Variants in ARHGEF1 observed in about 807,000 individuals in gnomAD.
The protein encoded by ARHGEF1 is 115 kDa guanine nucleotide exchange factor.
A neutral mutation model predicts 119.7 loss-of-function variants in ARHGEF1; 40 were observed. That is an observed-to-expected ratio of 0.33 (90% CI 0.26 to 0.44). The LOEUF (loss-of-function observed/expected upper bound fraction) is 0.44. Ranked by LOEUF, ARHGEF1 falls within the 20% of genes least tolerant of loss-of-function variation. The pLI, the probability that ARHGEF1 is intolerant of heterozygous loss-of-function variation, is 1.00. For missense variants in ARHGEF1, 976 were observed against 1,268.3 expected, an observed-to-expected ratio of 0.77 and a Z score of 3.50; for synonymous variants, 494 against 521.0, an observed-to-expected ratio of 0.95 and a Z score of 0.71.
At chr19:41,930,112 C>T (rs2074895808) in exon 3 of ARHGEF1, 1 of 152,214 alleles carries the variant, frequency 6.6e-6, no homozygotes, top group South Asian at 2.1e-4. Flanking sequence ...TCCGAATAAT[C>T]TCATTAAAAA....
intron 13 of ARHGEF1, 84 bp downstream of exon 13, chr19:41,896,566 C>G: frequency 9.3e-7 from 1 of 1,077,714 alleles, no homozygotes; most frequent in Non-Finnish European, 1.4e-6. Flanking sequence ...GCCATCTGTG[C>G]CTGCCTGTCC....
At chr19:41,926,227 G>A (rs2074869790) in intron 1 of ARHGEF1, among the ~76,000 whole-genome samples, 2 of 151,614 alleles carry the variant, frequency 1.3e-5, no homozygotes. Flanking sequence ...TATGCTCCCC[G>A]AGAGACCAGA....
At chr19:41,921,788 C>T (rs1242799334), upstream of ARHGEF1, among the ~76,000 whole-genome samples, 3 of 151,956 alleles carry the variant, frequency 2.0e-5, no homozygotes, top group African/African-American at 4.8e-5. The surrounding 1 kb of genome is among the most constrained non-coding windows in gnomAD (Gnocchi z 4.4). Context: ...GTGGATTCCT[C>T]GTCCTCCGCC....
At chr19:41,900,466 A>G (rs1555848795) in intron 14 of ARHGEF1, among the ~76,000 whole-genome samples, 1 of 152,222 alleles carries the variant, frequency 6.6e-6, no homozygotes, top group Admixed American at 6.5e-5. Context: ...TTTCCCCAGA[A>G]AGAATATGCA....
Position 41,916,458 on chromosome 19 carries a change from CAG to C in ARHGEF1, c.1866-6632_1866-6631del, listed in dbSNP as rs1444035748. On this transcript the variant is annotated intron_variant, in intron 18 of 20. Transcript: ENST00000599589. This position sits in a 1 kb window ranked among gnomAD's most constrained non-coding sequence, Gnocchi z 5.4. ...CAGCATAGTCACAGATGCACAGAAA[CAG>C]ACACACAGTTTTACACAAATACACA... Among the ~76,000 whole-genome samples, 2 of 152,100 alleles carry C rather than the reference CAG, an allele frequency of 1.3e-5. No individual in the cohort carries two copies. Among genetic ancestry groups the C allele is most frequent in the Non-Finnish European group, 2.9e-5 (2 of 68,036 alleles).
intron 1 of ARHGEF1, among the ~76,000 whole-genome samples, chr19:41,926,718 G>A (rs984113778): frequency 2.0e-5 from 3 of 152,172 alleles, no homozygotes; most frequent in Admixed American, 2.0e-4. Context: ...GGCCGGGAGG[G>A]GGGAGCGGGC....
chr19:41,918,565 TCA>T (rs1298444699), upstream of ARHGEF1, among the ~76,000 whole-genome samples: 1 of 121,378 alleles, frequency 8.2e-6, no homozygotes, highest in Non-Finnish European at 1.7e-5. Context: ...TCACTAACCC[TCA>T]CATACACCAC....
intron 18 of ARHGEF1, chr19:41,912,804 G>A: frequency 2.8e-6 from 2 of 703,538 alleles, no homozygotes; most frequent in Non-Finnish European, 2.0e-6. Context: ...GGCTCACTGG[G>A]GAAGCCTGAG....
chr19:41,898,526 C>A lies in ARHGEF1; in HGVS notation c.1206C>A (p.Val402=), dbSNP rs782603453. The A allele has an allele frequency of 6.4e-7, 1 of 1,564,596 alleles. No individual in the cohort carries two copies. The highest frequency in any genetic ancestry group is 1.9e-5 in the Admixed American group (1 of 53,104). The change falls in exon 14 of 29, where the codon GTC becomes GTA. Residue 402 remains valine (V), a synonymous_variant. Coordinates refer to ENST00000354532, the MANE Select transcript of ARHGEF1 (RefSeq NM_004706.4). The part of the protein sequence containing the change: ...PEEPPGWREL[V]PPDTLHSLPK... ...AGCCTCCCGGCTGGCGGGAACTCGT[C>A]CCCCCAGACACCCTGCACAGCCTGC...
intron 1 of ARHGEF1, among the ~76,000 whole-genome samples, chr19:41,926,642 C>A (rs2074872105): frequency 6.6e-6 from 1 of 152,072 alleles, no homozygotes; most frequent in Non-Finnish European, 1.5e-5. Flanking sequence ...GGCCTGCTGG[C>A]CTGCCGGGCA....
intron 1 of ARHGEF1, among the ~76,000 whole-genome samples, chr19:41,926,757 G>T (rs1210686440): frequency 2.0e-5 from 3 of 152,154 alleles, no homozygotes; most frequent in African/African-American, 7.2e-5. Context: ...TGATAGATCC[G>T]CGCGCCGCTT....
Position 41,906,834 on chromosome 19 carries a change from G to A in ARHGEF1, c.*17+31G>A, listed in dbSNP as rs782208390. ...TGGGGCACCTGGGGGCCAGGGCGCTGTCCTGAAAGGAGGGTCCCCCTCCAG... is the reference window on the plus strand; with the variant it reads ...TGGGGCACCTGGGGGCCAGGGCGCTATCCTGAAAGGAGGGTCCCCCTCCAG... On this transcript the variant is annotated intron_variant, in intron 28 of 28. Coordinates refer to ENST00000354532, the MANE Select transcript of ARHGEF1 (RefSeq NM_004706.4). This position sits in a 1 kb window ranked among gnomAD's most constrained non-coding sequence, Gnocchi z 4.5. The A allele has an allele frequency of 3.9e-6, 6 of 1,535,130 alleles. No homozygotes were observed. In the Admixed American group the frequency reaches 9.8e-5, roughly 25 times the overall value.
Position 41,902,911 on chromosome 19 carries a change from T to C in ARHGEF1, c.1738+13T>C. On this transcript the variant is annotated intron_variant, in intron 18 of 28. Coordinates refer to ENST00000354532, the MANE Select transcript of ARHGEF1 (RefSeq NM_004706.4). The surrounding 1 kb of genome is among the most constrained non-coding windows in gnomAD (Gnocchi z 6.5). The stretch of plus-strand genomic sequence containing the variant: ...GGGCAGAACACAGGTACCGCGGGCC[T>C]GGATCTCTGGGCCTCGGCTCTCCTC... 6.4e-7 allele frequency: 1 copy of C among 1,555,922 alleles called. No homozygotes were observed. The highest frequency in any genetic ancestry group is 8.7e-7 in the Non-Finnish European group (1 of 1,151,160).
At position 41,884,504 on chromosome 19, in the gene ARHGEF1, C is replaced by T. The variant is rs2074263797; in HGVS notation, c.-20+1215C>T. The T allele has an allele frequency of 2.5e-6, 4 of 1,606,484 alleles. No individual in the cohort carries two copies. Among genetic ancestry groups the T allele is most frequent in the East Asian group, 4.5e-5 (2 of 44,870 alleles). ...TTCCACCTGGAGCAGGTGAGGGACG[C>T]GGTCCCCAGCGGGTGTCAGACCCTG... On this transcript the variant is annotated intron_variant, in intron 1 of 28. Transcript: ENST00000354532.
Position 41,893,255 on chromosome 19 carries a change from ATC to A in ARHGEF1, c.615-13_615-12del, listed in dbSNP as rs1350869864. 2.5e-6 allele frequency: 4 copies of A among 1,612,192 alleles called. No homozygotes were observed. In the Admixed American group the frequency reaches 5.0e-5, roughly 20 times the overall value. ...CAGGCCTAGCAAATATGTCACAAAC[ATC>A]TCTCTTCCTCCTACAGACATACCAT... is the stretch of plus-strand genomic sequence containing the variant. On this transcript the variant is annotated splice_polypyrimidine_tract_variant and intron_variant, in intron 7 of 28. Coordinates refer to ENST00000354532, the MANE Select transcript of ARHGEF1 (RefSeq NM_004706.4).
At chr19:41,901,565 C>T (rs2074605355) in intron 14 of ARHGEF1, among the ~76,000 whole-genome samples, 1 of 152,160 alleles carries the variant, frequency 6.6e-6, no homozygotes, top group Non-Finnish European at 1.5e-5. Context: ...CTTGAGCCTC[C>T]CAAGTAGCTG....
At chr19:41,920,152 CCA>C (rs1375031833), upstream of ARHGEF1, among the ~76,000 whole-genome samples, 1 of 121,296 alleles carries the variant, frequency 8.2e-6, no homozygotes, top group Non-Finnish European at 1.6e-5. Flanking sequence ...CATGACACGC[CCA>C]GACATGATGC....
downstream of ARHGEF1, chr19:41,908,708 C>CACCT: frequency 8.5e-7 from 1 of 1,172,890 alleles, no homozygotes; most frequent in South Asian, 4.3e-5. This position sits in a 1 kb window ranked among gnomAD's most constrained non-coding sequence, Gnocchi z 6.7. Context: ...CAGGCTGGGG[C>CACCT]ACCTGCCTGC....
At chr19:41,898,869 C>T (rs184799938) in intron 14 of ARHGEF1, among the ~76,000 whole-genome samples, 214 of 152,326 alleles carry the variant, frequency 1.4e-3, no homozygotes, top group Middle Eastern at 3.4e-3. Flanking sequence ...GCTTTTATTT[C>T]CTTGCTTGTG....
Sources: allele counts gnomAD v4.1 joint callset (sites outside exome capture counted in the v4.1 genomes callset), GRCh38; gene constraint gnomAD v4.1.1; non-coding constraint Gnocchi (gnomAD v3.1); transcripts MANE v1.5; gene names NCBI Gene and HGNC (gene_info 2026-07-23, HGNC 2026-07-21).